LRP1B: variants seen among roughly 807,000 people sequenced by gnomAD.
The protein encoded by LRP1B is LDL receptor related protein 1B, also known as low-density lipoprotein receptor-related protein 1B.
LRP1B carries 217 observed loss-of-function variants against 556.6 expected under a neutral mutation model. The ratio of observed to expected loss-of-function variants is 0.39; its 90% confidence interval spans 0.35 to 0.44. LRP1B has a LOEUF of 0.44. Ranked by LOEUF, LRP1B falls within the 20% of genes least tolerant of loss-of-function variation. The pLI is 1.00. For synonymous variants in LRP1B, 2,047 were observed against 1,865.8 expected, an observed-to-expected ratio of 1.10 and a Z score of -2.50; for missense variants, 5,053 against 5,620.8, an observed-to-expected ratio of 0.90 and a Z score of 3.23.
At chr2:141,205,114 T>G (rs1231943359) in intron 6 of LRP1B, among the ~76,000 whole-genome samples, 1 of 152,142 alleles carries the variant, frequency 6.6e-6, no homozygotes, top group Non-Finnish European at 1.5e-5. Context: ...AAAATATCAA[T>G]ATTATTAAAG....
chr2:140,458,329 C>A (rs1161722494), intron 60 of LRP1B, among the ~76,000 whole-genome samples: 3 of 152,100 alleles, frequency 2.0e-5, no homozygotes, highest in African/African-American at 7.2e-5. Context: ...TATAATTATT[C>A]TTCCTGATGT....
At chr2:140,399,935 A>G (rs76717057) in intron 66 of LRP1B, among the ~76,000 whole-genome samples, 3,105 of 152,300 alleles carry the variant, frequency 0.02, 37 homozygotes, top group African/African-American at 0.028. Flanking sequence ...TTTTTCCTTG[A>G]AAATAAATTT....
chr2:140,353,458 A>G (rs1682066703), intron 75 of LRP1B, among the ~76,000 whole-genome samples: 1 of 152,034 alleles, frequency 6.6e-6, no homozygotes, highest in Non-Finnish European at 1.5e-5. Flanking sequence ...ATAGATTTCC[A>G]TTCACGCAAA....
intron 2 of LRP1B, among the ~76,000 whole-genome samples, chr2:141,571,834 C>T (rs1181760458): frequency 6.6e-6 from 1 of 151,938 alleles, no homozygotes; most frequent in Non-Finnish European, 1.5e-5. Flanking sequence ...GATATCATAG[C>T]CTGAAGACCA....
chr2:140,304,998 C>G (rs1684005018), intron 83 of LRP1B, among the ~76,000 whole-genome samples: 1 of 152,130 alleles, frequency 6.6e-6, no homozygotes, highest in Non-Finnish European at 1.5e-5. Flanking sequence ...GGGCTCTGTT[C>G]TGTTCCATTG....
chr2:140,338,328 A>G (rs1331489852), intron 77 of LRP1B, among the ~76,000 whole-genome samples: 1 of 151,786 alleles, frequency 6.6e-6, no homozygotes, highest in African/African-American at 2.4e-5. Context: ...TTCATCCTCA[A>G]TGACTCACAA....
intron 66 of LRP1B, among the ~76,000 whole-genome samples, chr2:140,402,927 A>C (rs34897859): frequency 0.14 from 20,615 of 152,170 alleles, 1,497 homozygotes; most frequent in African/African-American, 0.19. Flanking sequence ...CTCTGCCATT[A>C]CAACTCCTTA....
At chr2:142,073,966 G>A (rs769145881) in intron 1 of LRP1B, among the ~76,000 whole-genome samples, 3 of 151,950 alleles carry the variant, frequency 2.0e-5, no homozygotes, top group East Asian at 1.9e-4. Context: ...GGAAGGAATC[G>A]TGAGCCAATT....
chr2:140,606,028 A>C (rs1453102846), intron 41 of LRP1B, among the ~76,000 whole-genome samples: 2 of 151,038 alleles, frequency 1.3e-5, no homozygotes, highest in South Asian at 2.1e-4. Context: ...TGGGGTAAAG[A>C]GAGAGAGAGA....
intron 84 of LRP1B, among the ~76,000 whole-genome samples, chr2:140,280,866 T>A (rs1682885424): frequency 6.6e-6 from 1 of 151,786 alleles, no homozygotes; most frequent in Non-Finnish European, 1.5e-5. Flanking sequence ...GAGTGAACCA[T>A]GAACTTACAC....
intron 18 of LRP1B, among the ~76,000 whole-genome samples, chr2:140,954,487 A>C (rs1695816153): frequency 6.6e-6 from 1 of 152,098 alleles, no homozygotes; most frequent in Non-Finnish European, 1.5e-5. Context: ...AGTTTTGCTA[A>C]GAAAAAAATA....
intron 7 of LRP1B, among the ~76,000 whole-genome samples, chr2:141,068,453 T>C (rs944657834): frequency 2.7e-5 from 4 of 150,288 alleles, no homozygotes; most frequent in African/African-American, 7.4e-5. Flanking sequence ...GATGTTTGCA[T>C]AGTGCAAGAG....
rs1405122166 is a variant in LRP1B, at chr2:140,701,847, T to C, written c.6303-2A>G. ...CTGACAGACCCGTTTGCATGTGCTC[T>C]GCCAAAAAGTTGAACATACATGATC... On this transcript the variant is annotated splice_acceptor_variant, in intron 39 of 90. Coordinates refer to ENST00000389484, the MANE Select transcript of LRP1B (RefSeq NM_018557.3). LOFTEE classifies it high-confidence loss of function. The C allele has an allele frequency of 6.2e-7, 1 of 1,612,460 alleles. No homozygotes were observed. The highest frequency in any genetic ancestry group is 8.5e-7 in the Non-Finnish European group (1 of 1,179,166).
At chr2:140,442,421 T>C (rs1686469697) in intron 66 of LRP1B, 83 bp downstream of exon 66, 1 of 1,501,802 alleles carries the variant, frequency 6.7e-7, no homozygotes, top group East Asian at 2.4e-5. Flanking sequence ...TCAAAAGAAT[T>C]GTGTTCAAAT....
At chr2:140,258,115 C>A (rs1681776188) in intron 86 of LRP1B, among the ~76,000 whole-genome samples, 1 of 152,136 alleles carries the variant, frequency 6.6e-6, no homozygotes, top group Admixed American at 6.5e-5. Flanking sequence ...GCAACAAAGG[C>A]TTCTCCAATA....
Position 140,776,169 on chromosome 2 carries a change from T to C in LRP1B, c.5429A>G (p.Asn1810Ser). 1 of 1,601,176 alleles carries C rather than the reference T, an allele frequency of 6.2e-7. No homozygotes were observed. Among genetic ancestry groups the C allele is most frequent in the East Asian group, 2.3e-5 (1 of 43,766 alleles). The change falls in exon 33 of 91, where the codon AAC becomes AGC. Residue 1810 changes from asparagine (N) to serine (S), a missense_variant. Physicochemically the swap from Asn to Ser is conservative, Grantham distance 46. Coordinates refer to ENST00000389484, the MANE Select transcript of LRP1B (RefSeq NM_018557.3). ...AGTCTTATTCCGTAGGATGGTGGGG[T>C]TTCTTCCGTCTCTTTTGCTGCAGGT... is the stretch of plus-strand genomic sequence containing the variant. ...LGTCSKRDGR[N>S]PTILRNKTSG...
intron 18 of LRP1B, among the ~76,000 whole-genome samples, chr2:140,968,567 G>T (rs1282843011): frequency 1.3e-5 from 2 of 150,004 alleles, no homozygotes; most frequent in Non-Finnish European, 3.0e-5. Context: ...CTTGCCTTCT[G>T]CTAGCTTTTG....
chr2:141,907,725 G>A (rs1292938463), intron 1 of LRP1B, among the ~76,000 whole-genome samples: 1 of 151,756 alleles, frequency 6.6e-6, no homozygotes, highest in East Asian at 1.9e-4. Flanking sequence ...TAGGTTTTGG[G>A]GATAACACAG....
At chr2:140,480,301 G>A (rs1214086069) in intron 59 of LRP1B, among the ~76,000 whole-genome samples, 2 of 152,214 alleles carry the variant, frequency 1.3e-5, no homozygotes, top group Admixed American at 6.5e-5. Context: ...TCAAGTTACA[G>A]AGGGTAAAAT....
Sources: gnomAD v4.1 joint callset for allele counts (sites outside exome capture counted in the v4.1 genomes callset) on GRCh38, gnomAD v4.1.1 for gene constraint, MANE v1.5 for transcripts, NCBI Gene and HGNC (gene_info 2026-07-23, HGNC 2026-07-21) for gene names.